NTF3: variants seen among roughly 807,000 people sequenced by gnomAD.
The protein encoded by NTF3 is neurotrophin 3, also known as neurotrophin-3.
NTF3 carries 8 observed loss-of-function variants against 26.3 expected under a neutral mutation model. That is an observed-to-expected ratio of 0.30 (90% CI 0.18 to 0.55). NTF3 has a LOEUF of 0.55. NTF3 is among the 20% of genes least tolerant of loss of function. The probability of loss-of-function intolerance (pLI) is 0.93; values close to 1 mark genes in which losing one functional copy is unlikely to be tolerated. For missense variants in NTF3, 276 were observed against 352.9 expected, an observed-to-expected ratio of 0.78 and a Z score of 1.75; for synonymous variants, 154 against 145.5, an observed-to-expected ratio of 1.06 and a Z score of -0.42.
chr12:5,434,835 G>T (rs551956018), intron 1 of NTF3, among the ~76,000 whole-genome samples: 1 of 152,152 alleles, frequency 6.6e-6, no homozygotes, highest in East Asian at 1.9e-4. Context: ...TGTGTGTGGG[G>T]GGTGGGGGAA....
intron 1 of NTF3, among the ~76,000 whole-genome samples, chr12:5,469,152 C>T (rs983222842): frequency 1.3e-5 from 2 of 151,874 alleles, no homozygotes; most frequent in Non-Finnish European, 2.9e-5. Flanking sequence ...TTGCTGAATC[C>T]GTCTTATAAA....
intron 1 of NTF3, among the ~76,000 whole-genome samples, chr12:5,469,748 C>T (rs928805836): frequency 3.3e-5 from 5 of 152,060 alleles, no homozygotes; most frequent in Admixed American, 2.0e-4. Context: ...TATTTTTTAA[C>T]ATTTAATTGT....
chr12:5,446,069 A>G (rs1272595260), intron 1 of NTF3, among the ~76,000 whole-genome samples: 2 of 152,264 alleles, frequency 1.3e-5, no homozygotes, highest in East Asian at 3.9e-4. Flanking sequence ...GCAGACACCT[A>G]TTTATATGTG....
chr12:5,481,610 C>T (rs1254652277), intron 1 of NTF3, among the ~76,000 whole-genome samples: 9 of 109,276 alleles, frequency 8.2e-5, no homozygotes, highest in Admixed American at 7.5e-4. Context: ...CACATACAGA[C>T]ACACAGACAT....
At chr12:5,488,343 T>G (rs1411326057) in intron 1 of NTF3, among the ~76,000 whole-genome samples, 1 of 152,224 alleles carries the variant, frequency 6.6e-6, no homozygotes, top group Non-Finnish European at 1.5e-5. Context: ...ACCTTCCCTT[T>G]GAGCGTCATC....
At chr12:5,462,237 A>T (rs956194461) in intron 1 of NTF3, among the ~76,000 whole-genome samples, 7 of 152,234 alleles carry the variant, frequency 4.6e-5, no homozygotes, top group African/African-American at 1.7e-4. Context: ...AATCCTCCAC[A>T]TAGGTCTCTA....
In NTF3 at chr12:5,432,169, C is replaced by T. The variant is rs1181700372; in HGVS notation, c.-156C>T. ...CCGCGCACCGCCCCGCGACGCAGCCCGGCGCAACTACTTTCTTCTCTCTCC... is the reference window on the plus strand; with the variant it reads ...CCGCGCACCGCCCCGCGACGCAGCCTGGCGCAACTACTTTCTTCTCTCTCC... On this transcript the variant is annotated 5_prime_UTR_variant, in exon 1 of 2. Coordinates refer to ENST00000423158, the MANE Select transcript of NTF3 (RefSeq NM_001102654.2). The T allele has an allele frequency of 3.5e-6, 3 of 849,246 alleles. No homozygotes were observed. The highest frequency in any genetic ancestry group is 2.6e-5 in the East Asian group (1 of 38,378). The allele number at this position is 849,246 out of a possible 1,614,324, so 52.6% of individuals were successfully genotyped here. A position where few individuals can be genotyped will look rare whatever the true frequency, so the allele number is the denominator to read the frequency against.
intron 1 of NTF3, among the ~76,000 whole-genome samples, chr12:5,485,845 G>A (rs758434673): frequency 9.9e-5 from 15 of 152,132 alleles, no homozygotes; most frequent in Non-Finnish European, 2.9e-5. Flanking sequence ...TACATGAGTG[G>A]GTGAGAAGAG....
intron 1 of NTF3, among the ~76,000 whole-genome samples, chr12:5,455,581 CACATAG>C (rs1565388170): frequency 4.5e-5 from 3 of 67,168 alleles, no homozygotes; most frequent in Non-Finnish European, 6.1e-5. Flanking sequence ...CACACACACA[CACATAG>C]CCCCTGTGAT....
chr12:5,432,417 G>A, intron 1 of NTF3, 75 bp downstream of exon 1: 1 of 1,540,970 alleles, frequency 6.5e-7, no homozygotes, highest in East Asian at 2.3e-5. Flanking sequence ...ATTTTCCAGT[G>A]GACTGGTGCG....
chr12:5,469,337 G>A (rs1940635283), intron 1 of NTF3, among the ~76,000 whole-genome samples: 1 of 152,154 alleles, frequency 6.6e-6, no homozygotes, highest in Non-Finnish European at 1.5e-5. Flanking sequence ...CAGACTAGAA[G>A]GGGAGGGTTT....
chr12:5,491,643 C>T (rs1215354224), intron 1 of NTF3, among the ~76,000 whole-genome samples: 1 of 151,234 alleles, frequency 6.6e-6, no homozygotes, highest in Non-Finnish European at 1.5e-5. Context: ...TGAGCCCAGT[C>T]ATCACATGGA....
rs373020248 is a variant in NTF3, at chr12:5,457,998, T to G, written c.18+25656T>G. Among the ~76,000 whole-genome samples, 5 of 152,310 alleles carry G rather than the reference T, an allele frequency of 3.3e-5. No individual in the cohort carries two copies. The East Asian group carries it at 9.7e-4, about 29-fold the overall frequency. ...CACCATTGTCTCTTGCCATCCTCCA[T>G]ACTTTGCAAAGTTAATTGGGTCATT... On this transcript the variant is annotated intron_variant, in intron 1 of 1. Coordinates refer to ENST00000423158, the MANE Select transcript of NTF3 (RefSeq NM_001102654.2).
intron 1 of NTF3, among the ~76,000 whole-genome samples, chr12:5,485,780 A>C (rs950176376): frequency 2.6e-5 from 4 of 151,950 alleles, no homozygotes; most frequent in Admixed American, 6.6e-5. Flanking sequence ...CCTACCACAC[A>C]CTCCAGTTTT....
chr12:5,477,703 G>A (rs1940741735), intron 1 of NTF3, among the ~76,000 whole-genome samples: 1 of 152,114 alleles, frequency 6.6e-6, no homozygotes, highest in African/African-American at 2.4e-5. Flanking sequence ...CACTAAGTAT[G>A]GAGTGCATGA....
rs564273830 is a variant in NTF3, at chr12:5,487,777, G to A, written c.19-6417G>A. 1.8e-4 allele frequency among the ~76,000 whole-genome samples: 27 copies of A among 152,246 alleles called. No individual in the cohort carries two copies. The East Asian group carries it at 4.8e-3, about 27-fold the overall frequency. ...ACTTCCCTGCCCCTTCTCTCACCTG[G>A]TTTGACACTACATAGATACAGACCT... On this transcript the variant is annotated intron_variant, in intron 1 of 1. Transcript: ENST00000423158.
At chr12:5,451,831 CTGCAGGCA>C (rs1385912660) in intron 1 of NTF3, among the ~76,000 whole-genome samples, 3 of 152,170 alleles carry the variant, frequency 2.0e-5, no homozygotes, top group Non-Finnish European at 4.4e-5. Flanking sequence ...GTAGTTAGGA[CTGCAGGCA>C]TGCATCACCA....
chr12:5,441,468 ATTGCTTAACCTGGGATAT>A (rs1940235099), intron 1 of NTF3, among the ~76,000 whole-genome samples: 1 of 152,138 alleles, frequency 6.6e-6, no homozygotes, highest in Non-Finnish European at 1.5e-5. Flanking sequence ...TATTAAAATC[ATTGCTTAACCTGGGATAT>A]TTGCTTAACC....
chr12:5,468,453 C>G (rs113661540), intron 1 of NTF3, among the ~76,000 whole-genome samples: 1 of 152,042 alleles, frequency 6.6e-6, no homozygotes, highest in Non-Finnish European at 1.5e-5. Flanking sequence ...TTGTATCCAG[C>G]GAGGGGGCAT....
Sources: allele counts gnomAD v4.1 joint callset (sites outside exome capture counted in the v4.1 genomes callset), GRCh38; gene constraint gnomAD v4.1.1; transcripts MANE v1.5; gene names NCBI Gene and HGNC (gene_info 2026-07-23, HGNC 2026-07-21).